The following TENM4 variants were observed in gnomAD, a reference collection of about 807,000 sequenced individuals.
The protein encoded by TENM4 is teneurin transmembrane protein 4.
Under a neutral mutation model 243.3 loss-of-function variants are expected in TENM4, and 82 were observed. The observed-to-expected ratio is 0.34, with a 90% confidence interval of 0.28 to 0.40. The LOEUF is 0.40. Among genes scored for constraint, TENM4 ranks in the 10% least tolerant of loss-of-function variants. The pLI is 1.00. For synonymous variants in TENM4, 1,412 were observed against 1,456.3 expected (o/e 0.97, Z 0.69); for missense variants, 3,138 against 3,673.3 (o/e 0.85, Z 3.77).
chr11:79,256,776 T>G (rs944178665), intron 2 of TENM4, among the ~76,000 whole-genome samples: 3 of 152,178 alleles, frequency 2.0e-5, no homozygotes, highest in Admixed American at 6.5e-5. Context: ...GACTTTCAGA[T>G]TTCAGGCTTT....
intron 25 of TENM4, among the ~76,000 whole-genome samples, chr11:78,718,384 T>TA (rs540987858): frequency 2.6e-5 from 4 of 152,238 alleles, no homozygotes; most frequent in Admixed American, 6.5e-5. Flanking sequence ...CATGAATATA[T>TA]AAAAAGATCA....
Position 79,190,778 on chromosome 11 carries a change from C to CG in TENM4, c.-163+25029_-163+25030insC, listed in dbSNP as rs147955022. Among the ~76,000 whole-genome samples the CG allele has an allele frequency of 3.2e-3, 453 of 140,384 alleles. 2 individuals are homozygous for CG. The highest frequency in any genetic ancestry group is 0.013 in the African/African-American group (433 of 32,934). 92.1% of individuals were successfully genotyped at this position (140,384 alleles called of 152,430 possible). Reference sequence around the variant, plus strand: ...TTAAAAAATATTTTCGTCCCTCTCCCTCTCCCGTCTCCCTCTCCCTCTCCC... The same window carrying CG: ...TTAAAAAATATTTTCGTCCCTCTCCCGTCTCCCGTCTCCCTCTCCCTCTCCC... On this transcript the variant is annotated intron_variant, in intron 3 of 33. Transcript: ENST00000278550.
At chr11:79,410,108 C>T (rs1858667096) in intron 1 of TENM4, among the ~76,000 whole-genome samples, 1 of 152,180 alleles carries the variant, frequency 6.6e-6, no homozygotes, top group African/African-American at 2.4e-5. Context: ...GGGCCGCATT[C>T]AAAACCATTC....
intron 6 of TENM4, among the ~76,000 whole-genome samples, chr11:78,935,028 G>A (rs578199079): frequency 0.018 from 1,672 of 94,342 alleles, 42 homozygotes; most frequent in African/African-American, 0.071. Flanking sequence ...TTTTTGAGAC[G>A]GAGTCTCGCT....
chr11:79,380,475 G>A (rs536192137), intron 1 of TENM4, among the ~76,000 whole-genome samples: 22 of 152,304 alleles, frequency 1.4e-4, no homozygotes, highest in Non-Finnish European at 1.3e-4. Context: ...TTGGGAACAG[G>A]CTGATTGATC....
At chr11:78,928,653 T>C (rs1331271510) in intron 6 of TENM4, among the ~76,000 whole-genome samples, 1 of 152,234 alleles carries the variant, frequency 6.6e-6, no homozygotes, top group African/African-American at 2.4e-5. Context: ...ACATATTATA[T>C]CACTTTCAAA....
intron 1 of TENM4, among the ~76,000 whole-genome samples, chr11:79,339,678 G>A (rs894860931): frequency 6.6e-6 from 1 of 151,910 alleles, no homozygotes; most frequent in African/African-American, 2.4e-5. Flanking sequence ...CCTAGGGCAA[G>A]AGTCACAGGG....
At chr11:79,179,677 T>C (rs896663839) in intron 3 of TENM4, among the ~76,000 whole-genome samples, 2 of 151,814 alleles carry the variant, frequency 1.3e-5, no homozygotes, top group East Asian at 3.8e-4. Context: ...TGAGGATGTG[T>C]ACTCAAAAAA....
At chr11:79,275,844 T>A (rs751021269) in intron 2 of TENM4, among the ~76,000 whole-genome samples, 13 of 152,240 alleles carry the variant, frequency 8.5e-5, no homozygotes, top group Admixed American at 3.3e-4. Context: ...GCATCCTGTA[T>A]AGACAGGCCT....
At chr11:78,690,916 T>G (rs1360467629) in intron 28 of TENM4, among the ~76,000 whole-genome samples, 1 of 152,208 alleles carries the variant, frequency 6.6e-6, no homozygotes, top group Non-Finnish European at 1.5e-5. Context: ...CTGTCTATTT[T>G]CCTGACCTAA....
chr11:79,389,348 G>A (rs980278200), intron 1 of TENM4, among the ~76,000 whole-genome samples: 2 of 152,110 alleles, frequency 1.3e-5, no homozygotes, highest in African/African-American at 4.8e-5. Context: ...TGTAGACAAG[G>A]GTCTTGCTAT....
intron 14 of TENM4, 70 bp from the exon 15 acceptor site, chr11:78,805,562 T>TACTTA: frequency 6.6e-7 from 1 of 1,521,352 alleles, no homozygotes; most frequent in South Asian, 1.2e-5. Flanking sequence ...TTAAGCAAAC[T>TACTTA]ACTTAGCTTT....
chr11:79,039,775 A>G (rs1048212420), intron 6 of TENM4, among the ~76,000 whole-genome samples: 3 of 152,212 alleles, frequency 2.0e-5, no homozygotes, highest in Non-Finnish European at 4.4e-5. Flanking sequence ...CGTTCAGCAC[A>G]TGTATCTCAG....
chr11:78,894,100 A>T (rs1342752882), intron 7 of TENM4, among the ~76,000 whole-genome samples: 1 of 152,212 alleles, frequency 6.6e-6, no homozygotes, highest in African/African-American at 2.4e-5. Context: ...TGCCCGGCAT[A>T]CAGCAGGCAC....
chr11:79,420,683 TG>T (rs202014023), intron 1 of TENM4, among the ~76,000 whole-genome samples: 4 of 151,932 alleles, frequency 2.6e-5, no homozygotes, highest in South Asian at 2.1e-4. Flanking sequence ...AGTTTTTTTT[TG>T]GGGGGTGGGG....
intron 2 of TENM4, among the ~76,000 whole-genome samples, chr11:79,217,325 T>TA (rs1038510615): frequency 2.0e-5 from 3 of 151,980 alleles, no homozygotes; most frequent in African/African-American, 7.3e-5. Context: ...CACTCACCCA[T>TA]AAAAAATACT....
intron 1 of TENM4, among the ~76,000 whole-genome samples, chr11:79,318,813 T>C (rs1056969375): frequency 1.3e-5 from 2 of 152,126 alleles, no homozygotes; most frequent in Non-Finnish European, 2.9e-5. Flanking sequence ...TCCTGAAAAA[T>C]TAACACTTGG....
intron 1 of TENM4, among the ~76,000 whole-genome samples, chr11:79,310,873 C>T (rs543280914): frequency 4.6e-5 from 7 of 152,258 alleles, no homozygotes; most frequent in African/African-American, 7.2e-5. Context: ...AGCCTGAAGC[C>T]CCCACTCACT....
At chr11:79,427,465 C>T (rs1018695073) in intron 1 of TENM4, among the ~76,000 whole-genome samples, 7 of 152,064 alleles carry the variant, frequency 4.6e-5, no homozygotes, top group Non-Finnish European at 8.8e-5. Flanking sequence ...AACGGGGAAA[C>T]GATCGTGATA....
Sources: allele counts gnomAD v4.1 joint callset (sites outside exome capture counted in the v4.1 genomes callset), GRCh38; gene constraint gnomAD v4.1.1; transcripts MANE v1.5; gene names NCBI Gene and HGNC (gene_info 2026-07-23, HGNC 2026-07-21).